The following XIRP2 variants were observed in gnomAD, a reference collection of about 807,000 sequenced individuals.
XIRP2 encodes the protein xin actin binding repeat containing 2.
A neutral mutation model predicts 277.0 loss-of-function variants in XIRP2; 236 were observed. The observed-to-expected ratio is 0.85, with a 90% CI of 0.77 to 0.95. The LOEUF (loss-of-function observed/expected upper bound fraction) is 0.95. Ranked by LOEUF, XIRP2 falls within the 40% of genes least tolerant of loss-of-function variation. The probability of loss-of-function intolerance (pLI) is 0.00; values close to 1 mark genes in which losing one functional copy is unlikely to be tolerated. For missense variants in XIRP2, 4,640 were observed against 4,157.5 expected (o/e 1.12, Z -3.19); for synonymous variants, 1,490 against 1,416.5 (o/e 1.05, Z -1.17).
intron 3 of XIRP2, among the ~76,000 whole-genome samples, chr2:167,156,033 C>A (rs1297276971): frequency 4.0e-5 from 6 of 150,636 alleles, no homozygotes; most frequent in Non-Finnish European, 8.9e-5. Context: ...AGGAATCCAA[C>A]TTACAAGGGA....
intron 3 of XIRP2, among the ~76,000 whole-genome samples, chr2:167,178,062 C>T (rs1026402105): frequency 2.0e-5 from 3 of 151,088 alleles, no homozygotes; most frequent in Middle Eastern, 3.5e-3. Flanking sequence ...AAATGTGGAG[C>T]ACTGGGTATA....
At chr2:166,972,693 G>A (rs1173653046) in intron 2 of XIRP2, among the ~76,000 whole-genome samples, 1 of 152,126 alleles carries the variant, frequency 6.6e-6, no homozygotes. Context: ...ACTGCATAAG[G>A]AATTTATACA....
chr2:167,028,496 A>T (rs775934756), intron 2 of XIRP2, among the ~76,000 whole-genome samples: 36 of 152,112 alleles, frequency 2.4e-4, no homozygotes, highest in Non-Finnish European at 4.1e-4. Context: ...TCACAGTGTT[A>T]CTGGGCTTGG....
chr2:166,893,691 T>C (rs977761858), intron 1 of XIRP2, among the ~76,000 whole-genome samples: 4 of 152,190 alleles, frequency 2.6e-5, no homozygotes, highest in African/African-American at 9.6e-5. Flanking sequence ...TTTTCTTTTT[T>C]AGAAATAGAG....
At chr2:167,125,857 A>C (rs556094954) in intron 2 of XIRP2, among the ~76,000 whole-genome samples, 1 of 152,284 alleles carries the variant, frequency 6.6e-6, no homozygotes, top group African/African-American at 2.4e-5. Context: ...CTTACTTGGA[A>C]TATCTCATGA....
intron 2 of XIRP2, among the ~76,000 whole-genome samples, chr2:166,938,584 A>G (rs1303504070): frequency 1.3e-5 from 2 of 152,296 alleles, no homozygotes; most frequent in South Asian, 2.1e-4. Flanking sequence ...GATTTGGGGT[A>G]GAAAGTTCTG....
chr2:167,236,703 A>C (rs1694910013), intron 5 of XIRP2, among the ~76,000 whole-genome samples: 1 of 152,082 alleles, frequency 6.6e-6, no homozygotes, highest in African/African-American at 2.4e-5. Context: ...TGGTTAATTG[A>C]CCTGTGAACA....
chr2:167,039,242 A>T (rs1688593988), intron 2 of XIRP2, among the ~76,000 whole-genome samples: 1 of 152,208 alleles, frequency 6.6e-6, no homozygotes, highest in South Asian at 2.1e-4. Flanking sequence ...TTGTGAAAAA[A>T]AAAGTTTTTC....
At chr2:167,030,464 G>A (rs998467238) in intron 2 of XIRP2, among the ~76,000 whole-genome samples, 3 of 151,926 alleles carry the variant, frequency 2.0e-5, no homozygotes, top group African/African-American at 7.3e-5. Context: ...CCTTAATTTT[G>A]TTATGTACCC....
chr2:167,086,472 G>C (rs1302545244), intron 2 of XIRP2, among the ~76,000 whole-genome samples: 1 of 151,596 alleles, frequency 6.6e-6, no homozygotes, highest in East Asian at 1.9e-4. Flanking sequence ...TGTATTTCCT[G>C]AATCTGAACG....
chr2:167,130,794 A>G (rs1483796514), intron 2 of XIRP2, among the ~76,000 whole-genome samples: 2 of 152,000 alleles, frequency 1.3e-5, no homozygotes, highest in Non-Finnish European at 2.9e-5. Flanking sequence ...TAGAAATTTT[A>G]TTTATATTTT....
At chr2:167,127,471 T>C (rs905815249) in intron 2 of XIRP2, among the ~76,000 whole-genome samples, 1 of 152,158 alleles carries the variant, frequency 6.6e-6, no homozygotes, top group Non-Finnish European at 1.5e-5. Context: ...CTTCTGACTG[T>C]TTCTCCTCTA....
intron 2 of XIRP2, among the ~76,000 whole-genome samples, chr2:167,133,694 A>AT (rs901563833): frequency 2.0e-5 from 3 of 152,160 alleles, no homozygotes; most frequent in Admixed American, 2.0e-4. Flanking sequence ...TGCACCTTCT[A>AT]TTTATCTCAT....
intron 2 of XIRP2, among the ~76,000 whole-genome samples, chr2:167,064,324 G>A (rs7607326): frequency 0.065 from 9,893 of 151,720 alleles, 589 homozygotes; most frequent in African/African-American, 0.16. Context: ...TCTTTAACCT[G>A]CACTTTGCTT....
At chr2:167,119,302 A>T (rs1313858372) in intron 2 of XIRP2, among the ~76,000 whole-genome samples, 1 of 152,206 alleles carries the variant, frequency 6.6e-6, no homozygotes, top group African/African-American at 2.4e-5. Flanking sequence ...AGAAACTTAG[A>T]AGAATTATAA....
intron 2 of XIRP2, among the ~76,000 whole-genome samples, chr2:166,937,367 T>C (rs1338024270): frequency 6.6e-6 from 1 of 152,234 alleles, no homozygotes; most frequent in Non-Finnish European, 1.5e-5. Flanking sequence ...GGTCTTTGGT[T>C]CTGTTTATAT....
intron 3 of XIRP2, among the ~76,000 whole-genome samples, chr2:167,191,185 C>CAA (rs931552422): frequency 2.6e-3 from 124 of 46,794 alleles, no homozygotes; most frequent in African/African-American, 8.4e-3. Context: ...GACCCTGTCT[C>CAA]AAAAAAAAAA....
chr2:167,229,658 TTG>T (rs1401283881), intron 5 of XIRP2, among the ~76,000 whole-genome samples: 5 of 152,122 alleles, frequency 3.3e-5, no homozygotes, highest in Non-Finnish European at 7.4e-5. Context: ...AATGATTGGA[TTG>T]AGTCAAGCTT....
chr2:167,149,962 A>T (rs1436406988), intron 3 of XIRP2, among the ~76,000 whole-genome samples: 1 of 152,058 alleles, frequency 6.6e-6, no homozygotes, highest in Non-Finnish European at 1.5e-5. Flanking sequence ...AAACAACAAA[A>T]AAACTAGAAA....
Sources: gnomAD v4.1 joint callset for allele counts (sites outside exome capture counted in the v4.1 genomes callset) on GRCh38, gnomAD v4.1.1 for gene constraint, MANE v1.5 for transcripts, NCBI Gene and HGNC (gene_info 2026-07-23, HGNC 2026-07-21) for gene names.